The following AFAP1L1 variants were observed in gnomAD, a reference collection of about 807,000 sequenced individuals.
The protein encoded by AFAP1L1 is actin filament-associated protein 1-like 1.
Under a neutral mutation model 99.8 loss-of-function variants are expected in AFAP1L1, and 77 were observed. That is an observed-to-expected ratio of 0.77 (90% CI 0.64 to 0.93). AFAP1L1 has a LOEUF of 0.93. Among genes scored for constraint, AFAP1L1 ranks in the 40% least tolerant of loss-of-function variants. The pLI, the probability that AFAP1L1 is intolerant of heterozygous loss-of-function variation, is 0.00. For missense variants in AFAP1L1, 893 were observed against 996.8 expected (o/e 0.90, Z 1.40); for synonymous variants, 373 against 395.3 (o/e 0.94, Z 0.67).
intron 9 of AFAP1L1, 62 bp downstream of exon 9, chr5:149,312,266 C>A: frequency 2.0e-6 from 3 of 1,527,824 alleles, no homozygotes; most frequent in Non-Finnish European, 2.7e-6. Flanking sequence ...ACGGGCTCAA[C>A]CCCAGGGGAA....
At chr5:149,287,088 G>T (rs1454812211) in intron 1 of AFAP1L1, among the ~76,000 whole-genome samples, 1 of 152,100 alleles carries the variant, frequency 6.6e-6, no homozygotes, top group Non-Finnish European at 1.5e-5. Flanking sequence ...CTGAGTGTTA[G>T]GCACAGAGAA....
intron 9 of AFAP1L1, chr5:149,315,607 T>A: frequency 1.8e-6 from 1 of 547,194 alleles, no homozygotes; most frequent in South Asian, 2.1e-5. Flanking sequence ...CCTCCCCAAA[T>A]GGACTGTGAA....
At chr5:149,297,664 A>T (rs532548837) in intron 1 of AFAP1L1, among the ~76,000 whole-genome samples, 1 of 152,276 alleles carries the variant, frequency 6.6e-6, no homozygotes, top group South Asian at 2.1e-4. Context: ...GTCACTATCT[A>T]TACATAAGAT....
Position 149,320,349 on chromosome 5 carries a change from A to ATCATTG in AFAP1L1, c.1626-25_1626-20dup, listed in dbSNP as rs753056531. The ATCATTG allele has an allele frequency of 1.1e-5, 17 of 1,592,098 alleles. No individual in the cohort carries two copies. Among genetic ancestry groups the ATCATTG allele is most frequent in the Middle Eastern group, 3.3e-4 (2 of 6,042 alleles). On this transcript the variant is annotated intron_variant, in intron 13 of 18. Transcript: ENST00000296721. This position sits in a 1 kb window ranked among gnomAD's most constrained non-coding sequence, Gnocchi z 4.0. The stretch of plus-strand genomic sequence containing the variant: ...ACGAAAGCACTGTAAGCTGCAAAGC[A>ATCATTG]TCATTGTCATTGTCATTGTCATCGT...
chr5:149,312,814 G>C (rs888704960), intron 9 of AFAP1L1, among the ~76,000 whole-genome samples: 1 of 151,136 alleles, frequency 6.6e-6, no homozygotes, highest in African/African-American at 2.4e-5. Context: ...AAGAGAGAGA[G>C]AGAAAGAAAG....
chr5:149,304,123 T>C (rs1178749495), intron 5 of AFAP1L1: 1 of 152,254 alleles, frequency 6.6e-6, no homozygotes, highest in Non-Finnish European at 1.5e-5. Flanking sequence ...AGTCATATAA[T>C]TTGTGGCCTT....
chr5:149,297,412 T>TA (rs1481995323), intron 1 of AFAP1L1, among the ~76,000 whole-genome samples: 1 of 151,912 alleles, frequency 6.6e-6, no homozygotes, highest in African/African-American at 2.4e-5. Flanking sequence ...CACTATCCCA[T>TA]AGCTGCCACA....
chr5:149,313,299 G>A (rs117086789), intron 9 of AFAP1L1, among the ~76,000 whole-genome samples: 1 of 152,292 alleles, frequency 6.6e-6, no homozygotes, highest in East Asian at 1.9e-4. Flanking sequence ...TACAGTCAAG[G>A]GGAAGGGTTA....
At chr5:149,331,891 A>G (rs1018446157) in intron 16 of AFAP1L1, among the ~76,000 whole-genome samples, 2 of 152,124 alleles carry the variant, frequency 1.3e-5, no homozygotes, top group Non-Finnish European at 2.9e-5. Context: ...CAATGGCTGC[A>G]CAGTGCCAGC....
intron 1 of AFAP1L1, among the ~76,000 whole-genome samples, chr5:149,278,237 C>T (rs1328304423): frequency 6.6e-6 from 1 of 152,064 alleles, no homozygotes; most frequent in Non-Finnish European, 1.5e-5. Context: ...CATTTTCCTC[C>T]TTCCTTTCCT....
chr5:149,323,872 A>T (rs1297326991), intron 15 of AFAP1L1, among the ~76,000 whole-genome samples: 1 of 152,258 alleles, frequency 6.6e-6, no homozygotes, highest in Non-Finnish European at 1.5e-5. Context: ...TGAAAAAAGC[A>T]TGTAAGATTA....
At chr5:149,328,320 CA>C (rs141179077) in intron 15 of AFAP1L1, among the ~76,000 whole-genome samples, 2,489 of 147,730 alleles carry the variant, frequency 0.017, 69 homozygotes, top group African/African-American at 0.056. Context: ...GTATAGCGCA[CA>C]AAAAAAAAAG....
intron 1 of AFAP1L1, among the ~76,000 whole-genome samples, chr5:149,280,232 T>A (rs914708310): frequency 1.3e-5 from 2 of 152,368 alleles, no homozygotes; most frequent in East Asian, 1.9e-4. Context: ...TACAGTCAAA[T>A]CCCAAATCCT....
intron 1 of AFAP1L1, 150 bp downstream of exon 1, chr5:149,272,134 A>T (rs1755134715): frequency 2.3e-6 from 2 of 867,732 alleles, no homozygotes; most frequent in African/African-American, 1.7e-5. Flanking sequence ...CGCGGCGCTT[A>T]TGCAAAGGTG....
At chr5:149,303,760 C>T (rs10476908) in intron 5 of AFAP1L1, among the ~76,000 whole-genome samples, 58 of 152,188 alleles carry the variant, frequency 3.8e-4, no homozygotes, top group South Asian at 1.7e-3. Flanking sequence ...GATTTTCCTG[C>T]GGGAAATTAA....
chr5:149,293,842 T>C (rs1755936530), intron 1 of AFAP1L1, among the ~76,000 whole-genome samples: 1 of 152,204 alleles, frequency 6.6e-6, no homozygotes, highest in Admixed American at 6.5e-5. Context: ...ATTATTCTCA[T>C]TTTGCCTGTC....
intron 1 of AFAP1L1, among the ~76,000 whole-genome samples, chr5:149,277,248 G>A (rs185635494): frequency 2.0e-5 from 3 of 152,250 alleles, no homozygotes; most frequent in Admixed American, 6.5e-5. Flanking sequence ...TGCGTTCTGT[G>A]TTCTTGGGGA....
intron 1 of AFAP1L1, among the ~76,000 whole-genome samples, chr5:149,281,361 T>C (rs1296133281): frequency 1.3e-5 from 2 of 152,166 alleles, no homozygotes; most frequent in African/African-American, 4.8e-5. Context: ...ATGACTCTGC[T>C]CTTCCCCCTT....
intron 9 of AFAP1L1, among the ~76,000 whole-genome samples, chr5:149,315,095 A>G (rs1756756642): frequency 6.6e-6 from 1 of 152,190 alleles, no homozygotes; most frequent in Non-Finnish European, 1.5e-5. Context: ...TCCACTCTAC[A>G]TCCCGTGGTA....
Sources: allele counts gnomAD v4.1 joint callset (sites outside exome capture counted in the v4.1 genomes callset), GRCh38; gene constraint gnomAD v4.1.1; non-coding constraint Gnocchi (gnomAD v3.1); transcripts MANE v1.5; gene names NCBI Gene and HGNC (gene_info 2026-07-23, HGNC 2026-07-21).